BMI1: variants seen among roughly 807,000 people sequenced by gnomAD.
BMI1 encodes polycomb complex protein BMI-1.
Under a neutral mutation model 39.1 loss-of-function variants are expected in BMI1, and 9 were observed. That is an observed-to-expected ratio of 0.23 (90% confidence interval 0.14 to 0.40). The LOEUF (loss-of-function observed/expected upper bound fraction) is 0.40, where lower values mean the gene tolerates loss of function less well. Among genes scored for constraint, BMI1 ranks in the 10% least tolerant of loss-of-function variants. The pLI is 1.00. For missense variants in BMI1, 252 were observed against 390.8 expected (o/e 0.64, Z 2.99); for synonymous variants, 131 against 127.9 (o/e 1.02, Z -0.16).
intron 3 of BMI1, 58 bp from the exon 4 acceptor site, chr10:22,327,537 G>C: frequency 6.7e-7 from 1 of 1,487,400 alleles, no homozygotes. Context: ...AGAAACTTAT[G>C]AACATTTTTA....
Position 22,329,253 on chromosome 10 carries a change from G to C in BMI1, c.692G>C (p.Cys231Ser). The change falls in exon 10 of 10, where the codon TGT (cysteine) becomes TCT (serine). Residue 231 changes from cysteine (C) to serine (S), a missense_variant. This residue lies in a region of BMI1 where 96 missense variants were observed against 120.2 expected (regional missense o/e 0.80). Transcript: ENST00000376663. Reference sequence around the variant, plus strand: ...TTGAAATACAGAGTTCGACCTACTTGTAAAAGAATGAAGATCAGTCACCAG... The same window carrying C: ...TTGAAATACAGAGTTCGACCTACTTCTAAAAGAATGAAGATCAGTCACCAG... ...LPLKYRVRPT[C>S]KRMKISHQRD... 6.2e-7 allele frequency: 1 copy of C among 1,614,100 alleles called. No homozygotes were observed. Among genetic ancestry groups the C allele is most frequent in the Non-Finnish European group, 8.5e-7 (1 of 1,180,010 alleles).
Position 22,327,802 on chromosome 10 carries a change from T to A in BMI1, c.316+10T>A, listed in dbSNP as rs1836192912. On this transcript the variant is annotated intron_variant, in intron 5 of 9. Coordinates refer to ENST00000376663, the MANE Select transcript of BMI1 (RefSeq NM_005180.9). ...CATCCTTCTGCTGATGGTAAACCTT[T>A]TAGGGGAGGGAAGACATTTTATATG... is the stretch of plus-strand genomic sequence containing the variant. 1.2e-6 allele frequency: 2 copies of A among 1,613,084 alleles called. No homozygotes were observed. Among genetic ancestry groups the A allele is most frequent in the South Asian group, 2.2e-5 (2 of 91,032 alleles).
At chr10:22,328,924 G>C (rs953871654) in intron 8 of BMI1, 124 bp from the exon 9 acceptor site, 4 of 1,132,764 alleles carry the variant, frequency 3.5e-6, no homozygotes, top group Non-Finnish European at 4.9e-6. Flanking sequence ...AGTTTCAGGA[G>C]TCTTTCTTTG....
At chr10:22,331,665 A>G (rs1588622836), downstream of BMI1, among the ~76,000 whole-genome samples, 1 of 152,328 alleles carries the variant, frequency 6.6e-6, no homozygotes, top group East Asian at 1.9e-4. Context: ...TGACTTACAT[A>G]AAACCAAGTT....
At chr10:22,327,359 T>C (rs1294859989) in intron 3 of BMI1, among the ~76,000 whole-genome samples, 1 of 152,220 alleles carries the variant, frequency 6.6e-6, no homozygotes, top group African/African-American at 2.4e-5. Context: ...CACACTTCTT[T>C]TGACAGAGCA....
Position 22,321,421 on chromosome 10 carries a change from G to A in BMI1, c.-295G>A. Reference sequence around the variant, plus strand: ...GGAGGAGGAGGAGGCCCCGGAGGAGGAGGCGTTGGAGGTCGAGGCGGAGGC... The same window carrying A: ...GGAGGAGGAGGAGGCCCCGGAGGAGAAGGCGTTGGAGGTCGAGGCGGAGGC... On this transcript the variant is annotated 5_prime_UTR_variant, in exon 1 of 10. Transcript: ENST00000376663. The A allele has an allele frequency of 6.2e-6, 1 of 160,614 alleles. No individual in the cohort carries two copies. Among genetic ancestry groups the A allele is most frequent in the South Asian group, 1.6e-4 (1 of 6,442 alleles). 9.9% of individuals were successfully genotyped at this position (160,614 alleles called of 1,614,324 possible).
At chr10:22,325,891 A>C (rs971621633) in intron 1 of BMI1, 1 of 152,002 alleles carries the variant, frequency 6.6e-6, no homozygotes, top group Non-Finnish European at 1.5e-5. Context: ...CGGCCCCAGC[A>C]CCCGGCTCCG....
At chr10:22,325,695 G>C (rs1663290051) in intron 1 of BMI1, 1 of 150,246 alleles carries the variant, frequency 6.7e-6, no homozygotes, top group African/African-American at 2.4e-5. Flanking sequence ...GCTCCGCGCG[G>C]AGTTGCAGCG....
chr10:22,327,507 A>G, intron 3 of BMI1, 88 bp from the exon 4 acceptor site: 2 of 1,308,620 alleles, frequency 1.5e-6, no homozygotes, highest in East Asian at 2.3e-5. Flanking sequence ...GTAAAATATT[A>G]TAGCACAAAA....
At chr10:22,322,685 C>T (rs1318934724) in intron 1 of BMI1, among the ~76,000 whole-genome samples, 2 of 152,118 alleles carry the variant, frequency 1.3e-5, no homozygotes, top group Admixed American at 6.5e-5. Context: ...ACTTTTCTCT[C>T]GACTTCTACT....
chr10:22,329,246 C>T lies in BMI1; in HGVS notation c.685C>T (p.Pro229Ser). Residue 229 changes from proline to serine, a missense_variant, in exon 10 of 10, where the codon CCT (proline) becomes TCT (serine). Physicochemically the swap from Pro to Ser is moderately conservative, Grantham distance 74. Transcript: ENST00000376663. ...GPLPLKYRVR[P>S]TCKRMKISHQ... ...ACTTCCATTGAAATACAGAGTTCGA[C>T]CTACTTGTAAAAGAATGAAGATCAG... is the stretch of plus-strand genomic sequence containing the variant. The T allele has an allele frequency of 6.2e-7, 1 of 1,614,070 alleles. No individual in the cohort carries two copies.
intron 1 of BMI1, chr10:22,322,240 C>G (rs926840671): frequency 6.6e-6 from 1 of 152,184 alleles, no homozygotes; most frequent in African/African-American, 2.4e-5. Context: ...CTTCCCTCCT[C>G]TCCCGAAGAA....
At chr10:22,323,025 A>G (rs1460278660) in intron 1 of BMI1, among the ~76,000 whole-genome samples, 1 of 152,220 alleles carries the variant, frequency 6.6e-6, no homozygotes, top group Non-Finnish European at 1.5e-5. Context: ...AATTCCGAGC[A>G]TATTTATCCA....
rs1482444893 is a variant in BMI1 at position 22,330,735 on chromosome 10, C to T, written c.*1193C>T. 4.6e-5 allele frequency: 7 copies of T among 152,484 alleles called. No individual in the cohort carries two copies. The highest frequency in any genetic ancestry group is 1.7e-4 in the African/African-American group (7 of 41,436). The allele number at this position is 152,484 out of a possible 1,614,324, so 9.4% of individuals were successfully genotyped here. ...ATTTTAAATTTAAGAGTTGCTTTTA[C>T]AGTTAACAATGGAATATGCCTTCTC... On this transcript the variant is annotated 3_prime_UTR_variant, in exon 10 of 10. Coordinates refer to ENST00000376663, the MANE Select transcript of BMI1 (RefSeq NM_005180.9).
chr10:22,327,887 C>T (rs1836195073), intron 5 of BMI1, 63 bp from the exon 6 acceptor site: 2 of 1,584,810 alleles, frequency 1.3e-6, no homozygotes, highest in South Asian at 1.2e-5. Flanking sequence ...CTTCCATCCT[C>T]TTATATATAA....
rs914850429 is a variant in BMI1, at chr10:22,330,020, T to C, written c.*478T>C. The C allele has an allele frequency of 5.8e-5, 9 of 154,206 alleles. No individual in the cohort carries two copies. The highest frequency in any genetic ancestry group is 1.9e-4 in the African/African-American group (8 of 41,490). The allele number at this position is 154,206 out of a possible 1,614,324, so 9.6% of individuals were successfully genotyped here. A position where few individuals can be genotyped will look rare whatever the true frequency, so the allele number is the denominator to read the frequency against. ...TAGAATAATGCATTCTATGTAGCCA[T>C]GTCACTGTGAATAACGATTTCTTGC... is the stretch of plus-strand genomic sequence containing the variant. On this transcript the variant is annotated 3_prime_UTR_variant, in exon 10 of 10. Coordinates refer to ENST00000376663, the MANE Select transcript of BMI1 (RefSeq NM_005180.9).
Position 22,329,577 on chromosome 10 carries a change from C to T in BMI1, c.*35C>T, listed in dbSNP as rs770875994. ...CTGTTAAGGAAAAAAATTTTAAACC[C>T]CTGATTTATATAGATATCTTCATGC... On this transcript the variant is annotated 3_prime_UTR_variant, in exon 10 of 10. Transcript: ENST00000376663. 1.3e-6 allele frequency: 2 copies of T among 1,596,618 alleles called. No individual in the cohort carries two copies. Among genetic ancestry groups the T allele is most frequent in the Non-Finnish European group, 1.7e-6 (2 of 1,170,530 alleles).
chr10:22,327,401 A>T (rs1052260626), intron 3 of BMI1, among the ~76,000 whole-genome samples, 194 bp from the exon 4 acceptor site: 10 of 152,262 alleles, frequency 6.6e-5, no homozygotes, highest in Non-Finnish European at 1.3e-4. Flanking sequence ...AATATAAAAT[A>T]TTTTTCTACT....
In BMI1 at chr10:22,322,731, A is replaced by G. The variant is rs149897642; in HGVS notation, c.-20+1035A>G. 2.2e-4 allele frequency among the ~76,000 whole-genome samples: 33 copies of G among 152,300 alleles called. No individual in the cohort carries two copies. The East Asian group carries it at 5.6e-3, about 26-fold the overall frequency. Reference sequence around the variant, plus strand: ...CTCAGCATCATGACTCCAGTCCACTATCTTTTACAGGTTTTGCTAAATGTC... The same window carrying G: ...CTCAGCATCATGACTCCAGTCCACTGTCTTTTACAGGTTTTGCTAAATGTC... On this transcript the variant is annotated intron_variant, in intron 1 of 9. Transcript: ENST00000376663.
Sources: allele counts gnomAD v4.1 joint callset (sites outside exome capture counted in the v4.1 genomes callset), GRCh38; gene constraint gnomAD v4.1.1; regional missense constraint gnomAD v4.1.1; transcripts MANE v1.5; gene names NCBI Gene and HGNC (gene_info 2026-07-23, HGNC 2026-07-21).